ANKH: variants seen among roughly 807,000 people sequenced by gnomAD.
ANKH encodes ANKH inorganic pyrophosphate transport regulator, also known as mineralization regulator ANKH.
A neutral mutation model predicts 49.0 loss-of-function variants in ANKH; 15 were observed. The ratio of observed to expected loss-of-function variants is 0.31; its 90% CI spans 0.20 to 0.47. ANKH has a LOEUF of 0.47. Among genes scored for constraint, ANKH ranks in the 20% least tolerant of loss-of-function variants. ANKH has a pLI of 1.00. For missense variants in ANKH, 429 were observed against 652.0 expected (o/e 0.66, Z 3.72); for synonymous variants, 273 against 260.0 (o/e 1.05, Z -0.48).
In ANKH at chr5:14,713,247, T is replaced by C. The variant is rs1231442055; in HGVS notation, c.1266-274A>G. 2.0e-5 allele frequency among the ~76,000 whole-genome samples: 3 copies of C among 152,024 alleles called. No individual in the cohort carries two copies. Among genetic ancestry groups the C allele is most frequent in the South Asian group, 2.1e-4 (1 of 4,830 alleles). ...GGGAGCTCCCTGAGCGCAGGGACCA[T>C]GTCCTTCTCTTCTGGTTTTCATGTC... On this transcript the variant is annotated intron_variant, in intron 10 of 11. Transcript: ENST00000284268. The surrounding 1 kb of genome is among the most constrained non-coding windows in gnomAD (Gnocchi z 4.4).
In ANKH at chr5:14,797,917, C is replaced by T. The variant is rs1740441196; in HGVS notation, c.97-28726G>A. ...TCTGGGTTGCATTCTCCAGAAGGAT[C>T]TGGTTTAGAAGGATGTTTTGTATAG... On this transcript the variant is annotated intron_variant, in intron 1 of 11. Coordinates refer to ENST00000284268, the MANE Select transcript of ANKH (RefSeq NM_054027.6). The T allele has an allele frequency of 2.2e-5, 35 of 1,604,924 alleles. No individual in the cohort carries two copies. In the South Asian group the frequency reaches 3.7e-4, roughly 17 times the overall value.
intron 1 of ANKH, among the ~76,000 whole-genome samples, chr5:14,845,211 GTA>G (rs1036955776): frequency 2.0e-5 from 3 of 152,002 alleles, no homozygotes; most frequent in East Asian, 1.9e-4. Context: ...TATTTAACGA[GTA>G]TATATGTTAA....
intron 1 of ANKH, among the ~76,000 whole-genome samples, chr5:14,845,841 C>CA (rs1212256779): frequency 4.0e-5 from 5 of 125,224 alleles, no homozygotes; most frequent in African/African-American, 8.7e-5. Context: ...TCCCTATGCA[C>CA]ACTTTTTTTT....
intron 1 of ANKH, among the ~76,000 whole-genome samples, chr5:14,771,868 C>G (rs1037931665): frequency 7.4e-6 from 1 of 135,792 alleles, no homozygotes; most frequent in Non-Finnish European, 1.5e-5. Flanking sequence ...GAGCTGAGAT[C>G]ATGTCACTGC....
At position 14,741,978 on chromosome 5, in the gene ANKH, A is replaced by C. The variant is rs1049636367; in HGVS notation, c.916-56T>G. On this transcript the variant is annotated intron_variant, in intron 7 of 11. Coordinates refer to ENST00000284268, the MANE Select transcript of ANKH (RefSeq NM_054027.6). ...GCCCGGCTTATCCTTGGCTGAACCC[A>C]CCGGGGGATCTTGAAGAGCATCTTG... 7 of 1,338,846 alleles carry C rather than the reference A, an allele frequency of 5.2e-6. No homozygotes were observed. The African/African-American group carries it at 5.8e-5, about 11-fold the overall frequency. 82.9% of individuals were successfully genotyped at this position (1,338,846 alleles called of 1,614,324 possible). A position where few individuals can be genotyped will look rare whatever the true frequency, so the allele number is the denominator to read the frequency against.
rs1244970119 is a variant in ANKH, at chr5:14,709,887, C to T, written c.*1310G>A. On this transcript the variant is annotated 3_prime_UTR_variant, in exon 12 of 12. Coordinates refer to ENST00000284268, the MANE Select transcript of ANKH (RefSeq NM_054027.6). ...TTATAGCCTAAAATAAATTACATAA[C>T]ATATACAGCATATATTTATATCTTT... is the stretch of plus-strand genomic sequence containing the variant. 2 of 152,578 alleles carry T rather than the reference C, an allele frequency of 1.3e-5. No homozygotes were observed. The highest frequency in any genetic ancestry group is 1.5e-5 in the Non-Finnish European group (1 of 68,044). 9.5% of individuals were successfully genotyped at this position (152,578 alleles called of 1,614,324 possible).
At chr5:14,776,628 C>T (rs577578610) in intron 1 of ANKH, among the ~76,000 whole-genome samples, 1 of 152,320 alleles carries the variant, frequency 6.6e-6, no homozygotes. Context: ...ACTGCTGCAT[C>T]TCTAGCCAAG....
rs1738544594 is a variant in ANKH at position 14,746,393 on chromosome 5, T to C, written c.823-431A>G. On this transcript the variant is annotated intron_variant, in intron 6 of 11. Transcript: ENST00000284268. ...CCGAGCATTGGGGTCAGAGATGAAA[T>C]TATAGGAAGTCGGAGCTGTCTTCTT... is the stretch of plus-strand genomic sequence containing the variant. Among the ~76,000 whole-genome samples, 3 of 151,760 alleles carry C rather than the reference T, an allele frequency of 2.0e-5. No homozygotes were observed. The South Asian group carries it at 6.2e-4, about 31-fold the overall frequency.
intron 1 of ANKH, among the ~76,000 whole-genome samples, chr5:14,857,351 A>C (rs141992545): frequency 8.4e-4 from 128 of 152,316 alleles, no homozygotes; most frequent in African/African-American, 2.8e-3. Flanking sequence ...AGGCAGTTTA[A>C]AAGTATTACA....
chr5:14,791,404 T>G (rs781249838), intron 1 of ANKH, among the ~76,000 whole-genome samples: 10 of 152,176 alleles, frequency 6.6e-5, no homozygotes, highest in African/African-American at 9.7e-5. Flanking sequence ...TGCAAAGATC[T>G]AGACTCAATG....
chr5:14,837,588 C>CA (rs1196302264), intron 1 of ANKH, among the ~76,000 whole-genome samples: 7 of 152,200 alleles, frequency 4.6e-5, no homozygotes, highest in Non-Finnish European at 1.0e-4. Flanking sequence ...CATCTCACAC[C>CA]AGTTAGAATG....
chr5:14,795,658 G>A (rs561933595), intron 1 of ANKH, among the ~76,000 whole-genome samples: 1 of 152,282 alleles, frequency 6.6e-6, no homozygotes, highest in African/African-American at 2.4e-5. Context: ...AGACCAGCCT[G>A]GCCAACATGG....
chr5:14,848,484 C>T (rs1376375440), intron 1 of ANKH, among the ~76,000 whole-genome samples: 1 of 152,170 alleles, frequency 6.6e-6, no homozygotes, highest in Non-Finnish European at 1.5e-5. Flanking sequence ...CACTCTTCTG[C>T]TCCATGTTTG....
intron 2 of ANKH, among the ~76,000 whole-genome samples, chr5:14,761,270 T>G (rs1672855371): frequency 6.6e-6 from 1 of 152,176 alleles, no homozygotes; most frequent in Non-Finnish European, 1.5e-5. Context: ...TTCTGTTGCT[T>G]AAACCACCTG....
chr5:14,803,941 G>C (rs1740633197), intron 1 of ANKH, among the ~76,000 whole-genome samples: 1 of 152,134 alleles, frequency 6.6e-6, no homozygotes, highest in Admixed American at 6.5e-5. Flanking sequence ...TGTTGCCCAG[G>C]CTGGAGTGCA....
At chr5:14,747,389 G>A (rs1232704830) in intron 6 of ANKH, among the ~76,000 whole-genome samples, 1 of 152,062 alleles carries the variant, frequency 6.6e-6, no homozygotes, top group Non-Finnish European at 1.5e-5. Flanking sequence ...AGACCAGCCT[G>A]GACAACAAAG....
chr5:14,828,732 A>G (rs1741420366), intron 1 of ANKH, among the ~76,000 whole-genome samples: 1 of 152,218 alleles, frequency 6.6e-6, no homozygotes. Context: ...TAGACATACA[A>G]TTGGAAAATA....
chr5:14,865,887 T>C (rs1307902800), intron 1 of ANKH, among the ~76,000 whole-genome samples: 1 of 152,200 alleles, frequency 6.6e-6, no homozygotes, highest in Non-Finnish European at 1.5e-5. Context: ...GCTGAAGATA[T>C]ATGAACACTC....
chr5:14,712,373 T>G (rs969508129), intron 11 of ANKH, among the ~76,000 whole-genome samples: 1 of 152,062 alleles, frequency 6.6e-6, no homozygotes, highest in Admixed American at 6.6e-5. Flanking sequence ...TGTGGCTTCC[T>G]ACTTCACTGA....
Sources: gnomAD v4.1 joint callset for allele counts (sites outside exome capture counted in the v4.1 genomes callset) on GRCh38, gnomAD v4.1.1 for gene constraint, Gnocchi (gnomAD v3.1) non-coding constraint, MANE v1.5 for transcripts, NCBI Gene and HGNC (gene_info 2026-07-23, HGNC 2026-07-21) for gene names.